The following VWF variants were observed in gnomAD, a reference collection of about 807,000 sequenced individuals.
VWF encodes the protein von Willebrand factor.
VWF carries 176 observed loss-of-function variants against 308.6 expected under a neutral mutation model. That is an observed-to-expected ratio of 0.57 (90% CI 0.50 to 0.65). The LOEUF is 0.65. Among genes scored for constraint, VWF ranks in the 30% least tolerant of loss-of-function variants. The pLI, the probability that VWF is intolerant of heterozygous loss-of-function variation, is 0.00. For synonymous variants in VWF, 1,385 were observed against 1,443.4 expected (o/e 0.96, Z 0.92); for missense variants, 3,146 against 3,648.2 (o/e 0.86, Z 3.55).
chr12:5,969,074 T>G, intron 45 of VWF, 137 bp downstream of exon 45: 1 of 941,950 alleles, frequency 1.1e-6, no homozygotes, highest in Non-Finnish European at 1.6e-6. Flanking sequence ...ATAAAAGCAG[T>G]AGGAGCAGAT....
intron 6 of VWF, among the ~76,000 whole-genome samples, chr12:6,078,472 G>A (rs58140598): frequency 0.021 from 3,149 of 152,284 alleles, 116 homozygotes; most frequent in African/African-American, 0.069. Flanking sequence ...AGAGAATTAC[G>A]TCACTGAACT....
At chr12:6,023,232 C>A (rs1944149683) in intron 25 of VWF, among the ~76,000 whole-genome samples, 1 of 152,116 alleles carries the variant, frequency 6.6e-6, no homozygotes, top group East Asian at 1.9e-4. Context: ...CAGTTTTCTA[C>A]ATAAAAACAT....
At chr12:5,950,662 TA>T (rs11390977) in intron 50 of VWF, among the ~76,000 whole-genome samples, 55 of 145,982 alleles carry the variant, frequency 3.8e-4, no homozygotes, top group South Asian at 1.1e-3. Context: ...GAGGATGAAT[TA>T]AAAAAAAAAA....
chr12:6,096,404 T>A (rs1379119173), intron 5 of VWF, among the ~76,000 whole-genome samples: 1 of 152,208 alleles, frequency 6.6e-6, no homozygotes, highest in Non-Finnish European at 1.5e-5. Flanking sequence ...CCAGCCTGTA[T>A]GGGTGTCACC....
In VWF at chr12:5,949,878, C is replaced by T. The variant is rs752402059; in HGVS notation, c.8161G>A (p.Glu2721Lys). Residue 2721 changes from glutamate (E) to lysine (K), a missense_variant, in exon 51 of 52, where the codon GAG becomes AAG. Transcript: ENST00000261405. ...GCAGTGATGTCGTTGCACTCAGGCT[C>T]CTCACCTACAGGACAGGTGAGAGAT... ...IPGTCCDTCE[E>K]PECNDITARL... The T allele has an allele frequency of 1.2e-6, 2 of 1,613,386 alleles. No individual in the cohort carries two copies. The highest frequency in any genetic ancestry group is 1.1e-5 in the South Asian group (1 of 91,078).
At chr12:6,015,529 T>C (rs963762111) in intron 31 of VWF, among the ~76,000 whole-genome samples, 55 of 152,170 alleles carry the variant, frequency 3.6e-4, no homozygotes, top group Admixed American at 1.3e-3. Flanking sequence ...CCCTAGACTC[T>C]ACCACCTGTC....
chr12:6,062,949 C>G lies in VWF; in HGVS notation c.1533+5G>C. 1.9e-6 allele frequency: 3 copies of G among 1,611,526 alleles called. No individual in the cohort carries two copies. The highest frequency in any genetic ancestry group is 2.5e-6 in the Non-Finnish European group (3 of 1,179,616). ...AGGGAGCCAGTACCCCGTGAGGGCA[C>G]CTACCTTCACCAGCAGCCTCCCGCG... On this transcript the variant is annotated splice_donor_5th_base_variant and intron_variant, in intron 13 of 51. Transcript: ENST00000261405.
intron 3 of VWF, among the ~76,000 whole-genome samples, chr12:6,118,029 G>A (rs773578966): frequency 1.3e-5 from 2 of 152,210 alleles, no homozygotes; most frequent in Non-Finnish European, 2.9e-5. Context: ...CTGGACGGGT[G>A]GAATGGGCAA....
intron 6 of VWF, among the ~76,000 whole-genome samples, chr12:6,086,747 G>C (rs1346281493): frequency 6.6e-6 from 1 of 152,190 alleles, no homozygotes; most frequent in East Asian, 1.9e-4. Flanking sequence ...AGAAATAGCA[G>C]AAAGGGCTGG....
chr12:5,998,482 AAAAAAAAAAAAAAAAAATATATATAT>A (rs1408242453), intron 34 of VWF, among the ~76,000 whole-genome samples: 11 of 58,178 alleles, frequency 1.9e-4, no homozygotes, highest in African/African-American at 7.9e-4. Flanking sequence ...AAAAAAAAAA[AAAAAAAAAAAAAAAAAATATATATAT>A]ATATATATAT....
chr12:6,064,615 T>A (rs1052980113), intron 11 of VWF, among the ~76,000 whole-genome samples: 1 of 152,190 alleles, frequency 6.6e-6, no homozygotes, highest in Non-Finnish European at 1.5e-5. Context: ...CCTGGCCCAG[T>A]CTCTTATAAA....
Position 5,963,737 on chromosome 12 carries a change from T to C in VWF, c.7887+3749A>G, listed in dbSNP as rs79026181. On this transcript the variant is annotated intron_variant, in intron 47 of 51. Coordinates refer to ENST00000261405, the MANE Select transcript of VWF (RefSeq NM_000552.5). ...GTCACCCAGGCTGGAGGGCAAGTGG[T>C]GCAATCATAGCTCAGCGCAGCTAGG... 1.4e-3 allele frequency among the ~76,000 whole-genome samples: 207 copies of C among 152,252 alleles called. 5 individuals carry two copies. The East Asian group carries it at 0.037, about 27-fold the overall frequency.
chr12:5,956,641 G>GA (rs532557839), intron 47 of VWF, among the ~76,000 whole-genome samples: 10,555 of 105,204 alleles, frequency 0.1, 489 homozygotes, highest in African/African-American at 0.16. Context: ...ACCCTGTCTC[G>GA]AAAAAAAAAA....
chr12:6,036,637 G>A (rs558852444), intron 18 of VWF, 146 bp from the exon 19 acceptor site: 384 of 787,094 alleles, frequency 4.9e-4, no homozygotes, highest in Non-Finnish European at 7.8e-4. Flanking sequence ...GGCTGAGCCA[G>A]GGGGACAGCT....
rs1023013245 is a variant in VWF, at chr12:6,036,406, T to C, written c.2528A>G (p.Lys843Arg). The C allele has an allele frequency of 1.2e-6, 2 of 1,614,222 alleles. No homozygotes were observed. The highest frequency in any genetic ancestry group is 2.2e-5 in the East Asian group (1 of 44,884). ...GCCTCACCAAGTGTTGCAGCCAATC[T>C]TCACTGTTTCTCCAGGGGCATACTC... ...GKEYAPGETVKIGCNTCVCQD... is the reference protein window; with the variant it reads ...GKEYAPGETVRIGCNTCVCQD... Residue 843 changes from lysine (K) to arginine (R), a missense_variant, in exon 19 of 52, where the codon AAG (lysine) becomes AGG (arginine). Coordinates refer to ENST00000261405, the MANE Select transcript of VWF (RefSeq NM_000552.5).
At chr12:6,077,467 C>T (rs1430487356) in intron 6 of VWF, among the ~76,000 whole-genome samples, 1 of 152,222 alleles carries the variant, frequency 6.6e-6, no homozygotes, top group African/African-American at 2.4e-5. Flanking sequence ...CCCTGCCTTG[C>T]CCAATCCCCT....
chr12:6,097,760 G>A (rs1457635900), intron 5 of VWF, among the ~76,000 whole-genome samples: 2 of 152,236 alleles, frequency 1.3e-5, no homozygotes, highest in East Asian at 3.8e-4. Flanking sequence ...ATACATGGGA[G>A]AAGCCAAAGG....
intron 47 of VWF, among the ~76,000 whole-genome samples, chr12:5,962,538 C>CTTTTTTTTT (rs35124526): frequency 4.9e-5 from 5 of 101,592 alleles, no homozygotes; most frequent in Non-Finnish European, 9.8e-5. Context: ...ACAGGCAATT[C>CTTTTTTTTT]TTTTTTTTTT....
chr12:6,088,491 AAGCG>A (rs202141392), intron 6 of VWF, among the ~76,000 whole-genome samples: 2,486 of 145,774 alleles, frequency 0.017, 65 homozygotes, highest in African/African-American at 0.061. Context: ...AAAAAAAAAA[AAGCG>A]AGAGAGAGAG....
Sources: allele counts gnomAD v4.1 joint callset (sites outside exome capture counted in the v4.1 genomes callset), GRCh38; gene constraint gnomAD v4.1.1; transcripts MANE v1.5; gene names NCBI Gene and HGNC (gene_info 2026-07-23, HGNC 2026-07-21).